COMMD1: variants seen among roughly 807,000 people sequenced by gnomAD.
COMMD1 encodes the protein COMM domain-containing protein 1.
COMMD1 carries 10 observed loss-of-function variants against 17.2 expected under a neutral mutation model. That is an observed-to-expected ratio of 0.58 (90% CI 0.36 to 0.99). The LOEUF is 0.99. Among genes scored for constraint, COMMD1 ranks in the 50% least tolerant of loss-of-function variants. The pLI, the probability that COMMD1 is intolerant of heterozygous loss-of-function variation, is 0.01. For synonymous variants in COMMD1, 97 were observed against 91.6 expected (o/e 1.06, Z -0.34); for missense variants, 270 against 231.8 (o/e 1.17, Z -1.07).
intron 2 of COMMD1, among the ~76,000 whole-genome samples, chr2:62,063,891 A>ATATATATATATATG (rs1670952125): frequency 7.7e-6 from 1 of 130,602 alleles, no homozygotes; most frequent in Non-Finnish European, 1.6e-5. Context: ...ATATATATAT[A>ATATATATATATATG]TATATATTAG....
intron 2 of COMMD1, among the ~76,000 whole-genome samples, chr2:62,020,814 AC>A (rs1303797815): frequency 6.6e-6 from 1 of 152,154 alleles, no homozygotes; most frequent in African/African-American, 2.4e-5. Context: ...AGCCTGACCA[AC>A]ATGGAGAAAC....
chr2:61,912,370 G>C (rs1669927404), intron 1 of COMMD1, among the ~76,000 whole-genome samples: 2 of 152,312 alleles, frequency 1.3e-5, no homozygotes, highest in Middle Eastern at 3.4e-3. Context: ...AGGAAATGTA[G>C]TACTCTAAAC....
At chr2:61,969,102 G>A (rs558086370) in intron 1 of COMMD1, 4 of 386,414 alleles carry the variant, frequency 1.0e-5, no homozygotes, top group East Asian at 1.5e-4. Flanking sequence ...GGGACTACAG[G>A]TGCACACCAC....
intron 2 of COMMD1, among the ~76,000 whole-genome samples, chr2:62,084,096 T>C (rs1368861847): frequency 1.5e-4 from 23 of 152,218 alleles, no homozygotes; most frequent in Admixed American, 1.5e-3. Flanking sequence ...GGGTCAGCTC[T>C]AAACACAACT....
chr2:62,016,739 T>C (rs1383931109), intron 2 of COMMD1, among the ~76,000 whole-genome samples: 3 of 152,194 alleles, frequency 2.0e-5, no homozygotes, highest in African/African-American at 7.2e-5. Context: ...AGTTTATTTT[T>C]ACTTTTGTTG....
At chr2:61,935,711 A>G (rs1670590788) in intron 1 of COMMD1, among the ~76,000 whole-genome samples, 1 of 152,202 alleles carries the variant, frequency 6.6e-6, no homozygotes, top group African/African-American at 2.4e-5. Flanking sequence ...GATCAAAGAT[A>G]AAATGAAGAC....
In COMMD1 at chr2:62,029,579, T is replaced by A. The variant is rs1669858876; in HGVS notation, c.462+28597T>A. ...CAAATTCCAAAAATTATTTATTTAA[T>A]CATTTAAAGAGAAACTTTGTTTCTT... On this transcript the variant is annotated intron_variant, in intron 2 of 2. Transcript: ENST00000311832. Among the ~76,000 whole-genome samples, 3 of 152,218 alleles carry A rather than the reference T, an allele frequency of 2.0e-5. No homozygotes were observed. In the South Asian group the frequency reaches 6.2e-4, roughly 31 times the overall value.
intron 1 of COMMD1, among the ~76,000 whole-genome samples, chr2:61,951,685 A>G (rs532085381): frequency 6.6e-6 from 1 of 152,284 alleles, no homozygotes; most frequent in East Asian, 1.9e-4. Context: ...TGATAAAGGG[A>G]CATATGAATG....
chr2:61,914,191 A>T (rs533383659), intron 1 of COMMD1, among the ~76,000 whole-genome samples: 1 of 151,962 alleles, frequency 6.6e-6, no homozygotes, highest in South Asian at 2.1e-4. Flanking sequence ...AATAAATAAA[A>T]TTGGAAACAA....
At chr2:62,043,228 A>G (rs576687509) in intron 2 of COMMD1, among the ~76,000 whole-genome samples, 20 of 152,244 alleles carry the variant, frequency 1.3e-4, no homozygotes, top group Non-Finnish European at 1.0e-4. Flanking sequence ...AGCAGTTACT[A>G]TTCACTGAAG....
chr2:61,900,090 A>T (rs1276525531), intron 1 of COMMD1, among the ~76,000 whole-genome samples: 1 of 152,252 alleles, frequency 6.6e-6, no homozygotes. Context: ...AAAATTTTTT[A>T]GATATTTATT....
At chr2:62,126,847 C>T (rs1427498047) in intron 2 of COMMD1, among the ~76,000 whole-genome samples, 1 of 152,158 alleles carries the variant, frequency 6.6e-6, no homozygotes, top group African/African-American at 2.4e-5. Context: ...CCCACCATTC[C>T]TATTCAACAT....
At chr2:62,002,522 AAAGAT>A (rs1668977977) in intron 2 of COMMD1, among the ~76,000 whole-genome samples, 4 of 148,968 alleles carry the variant, frequency 2.7e-5, no homozygotes, top group Non-Finnish European at 4.4e-5. Context: ...AAAAAAAAAA[AAAGAT>A]AATTCATTAA....
intron 2 of COMMD1, among the ~76,000 whole-genome samples, chr2:62,034,307 G>A (rs982822164): frequency 1.3e-5 from 2 of 151,944 alleles, no homozygotes; most frequent in African/African-American, 4.8e-5. Context: ...TTCGAGATCA[G>A]CCTGGCCAAG....
At chr2:61,992,549 A>G (rs1453570322) in intron 1 of COMMD1, among the ~76,000 whole-genome samples, 1 of 152,186 alleles carries the variant, frequency 6.6e-6, no homozygotes, top group Non-Finnish European at 1.5e-5. Context: ...TGGTTTTTAC[A>G]TTTTTAAAGA....
intron 2 of COMMD1, among the ~76,000 whole-genome samples, chr2:62,109,545 G>A (rs1672399640): frequency 1.3e-5 from 2 of 152,214 alleles, no homozygotes; most frequent in South Asian, 4.1e-4. Flanking sequence ...TATGAAGTGG[G>A]ATAGAATAGA....
chr2:62,080,638 G>A (rs913589537), intron 2 of COMMD1, among the ~76,000 whole-genome samples: 1 of 152,110 alleles, frequency 6.6e-6, no homozygotes, highest in African/African-American at 2.4e-5. Context: ...ACAAAAGACT[G>A]CTACTGATAA....
chr2:62,059,514 A>G (rs1435261941), intron 2 of COMMD1, among the ~76,000 whole-genome samples: 6 of 152,084 alleles, frequency 3.9e-5, no homozygotes, highest in Admixed American at 6.6e-5. Context: ...CTTGGAGTCT[A>G]TAACTGAAAA....
At chr2:61,909,955 C>G (rs1669862837) in intron 1 of COMMD1, among the ~76,000 whole-genome samples, 2 of 152,170 alleles carry the variant, frequency 1.3e-5, no homozygotes, top group Admixed American at 6.5e-5. Flanking sequence ...GTAGTGATTC[C>G]TGGCTTTTGT....
Sources: gnomAD v4.1 joint callset for allele counts (sites outside exome capture counted in the v4.1 genomes callset) on GRCh38, gnomAD v4.1.1 for gene constraint, MANE v1.5 for transcripts, NCBI Gene and HGNC (gene_info 2026-07-23, HGNC 2026-07-21) for gene names.